The following SLC35A5 variants were observed in gnomAD, a reference collection of about 807,000 sequenced individuals.
SLC35A5 encodes the protein UDP-sugar transporter protein SLC35A5.
In SLC35A5, 28 loss-of-function variants were observed where a neutral mutation model predicts 36.3. That is an observed-to-expected ratio of 0.77 (90% CI 0.57 to 1.06). SLC35A5 has a LOEUF of 1.06. Among genes scored for constraint, SLC35A5 ranks in the 50% least tolerant of loss-of-function variants. SLC35A5 has a pLI of 0.00. For synonymous variants in SLC35A5, 180 were observed against 173.7 expected, an observed-to-expected ratio of 1.04 and a Z score of -0.29; for missense variants, 521 against 499.3, an observed-to-expected ratio of 1.04 and a Z score of -0.41.
intron 4 of SLC35A5, among the ~76,000 whole-genome samples, chr3:112,572,936 A>G (rs1934510944): frequency 6.6e-6 from 1 of 152,194 alleles, no homozygotes; most frequent in South Asian, 2.1e-4. Context: ...AGGGGTTCAC[A>G]GGCATTTGCC....
In SLC35A5 at chr3:112,580,881, A is replaced by G; in HGVS notation, c.764A>G (p.Lys255Arg). 1.9e-6 allele frequency: 3 copies of G among 1,614,186 alleles called. No individual in the cohort carries two copies. The highest frequency in any genetic ancestry group is 2.5e-6 in the Non-Finnish European group (3 of 1,179,998). The change falls in exon 6 of 7, where the codon AAG (lysine) becomes AGG (arginine). Residue 255 changes from lysine (K) to arginine (R), a missense_variant. By Grantham distance (26) the Lys-to-Arg change is conservative. Coordinates refer to ENST00000492406, the MANE Select transcript of SLC35A5 (RefSeq NM_017945.5). ...AATATCTATAATGAAAAGATACTGA[A>G]GGAAGGGAACCAGCTCACTGAAAGC... ...MANIYNEKIL[K>R]EGNQLTESIF... is the part of the protein sequence containing the mutation.
intron 5 of SLC35A5, 120 bp downstream of exon 5, chr3:112,574,076 A>C: frequency 1.2e-6 from 1 of 817,688 alleles, no homozygotes; most frequent in Non-Finnish European, 2.0e-6. Flanking sequence ...TTCCTAATTG[A>C]CTTTGTGTAC....
chr3:112,580,924 C>G lies in SLC35A5; in HGVS notation c.807C>G (p.Ser269Arg), dbSNP rs542629264. The G allele has an allele frequency of 5.3e-5, 86 of 1,614,138 alleles. No homozygotes were observed. In the South Asian group the frequency reaches 6.6e-4, roughly 12 times the overall value. ...CTGAAAGCATCTTCATACAGAACAG[C>G]AAACTCTATTTCTTTGGCATTCTGT... is the stretch of plus-strand genomic sequence containing the variant. ...QLTESIFIQN[S>R]KLYFFGILFN... The change falls in exon 6 of 7, where the codon AGC (serine) becomes AGG (arginine). Residue 269 changes from serine (S) to arginine (R), a missense_variant. Physicochemically the swap from Ser to Arg is moderately radical, Grantham distance 110. Transcript: ENST00000492406.
In SLC35A5 at chr3:112,584,857, A is replaced by G. The variant is rs1935086047; in HGVS notation, c.*2121A>G. The G allele has an allele frequency of 6.6e-6, 1 of 152,192 alleles. No individual in the cohort carries two copies. Among genetic ancestry groups the G allele is most frequent in the Admixed American group, 6.6e-5 (1 of 15,266 alleles). 9.4% of individuals were successfully genotyped at this position (152,192 alleles called of 1,614,324 possible). ...ATACACCATGGAATACTTTGCAGCC[A>G]TAAAAAATAATGAAACCATGTGCTT... On this transcript the variant is annotated 3_prime_UTR_variant, in exon 7 of 7. Coordinates refer to ENST00000492406, the MANE Select transcript of SLC35A5 (RefSeq NM_017945.5).
intron 5 of SLC35A5, among the ~76,000 whole-genome samples, chr3:112,576,731 C>T (rs1559861832): frequency 1.3e-5 from 2 of 152,146 alleles, no homozygotes; most frequent in African/African-American, 4.8e-5. Flanking sequence ...GGATTTCCTT[C>T]CAATTTTTAA....
intron 5 of SLC35A5, 97 bp from the exon 6 acceptor site, chr3:112,580,449 T>C (rs1261566874): frequency 7.3e-7 from 1 of 1,374,860 alleles, no homozygotes; most frequent in Admixed American, 2.8e-5. Context: ...CTGGGTCCAG[T>C]TTATTCAACC....
At chr3:112,565,054 A>G (rs553370274) in intron 2 of SLC35A5, among the ~76,000 whole-genome samples, 2 of 152,160 alleles carry the variant, frequency 1.3e-5, no homozygotes, top group Non-Finnish European at 2.9e-5. Flanking sequence ...ATGGTCTACT[A>G]CTTGGAGAGT....
chr3:112,581,007 G>A lies in SLC35A5; in HGVS notation c.890G>A (p.Gly297Glu). Residue 297 changes from glycine (G) to glutamate (E), a missense_variant, in exon 6 of 7, where the codon GGA becomes GAA. Physicochemically the swap from Gly to Glu is moderately conservative, Grantham distance 98. Coordinates refer to ENST00000492406, the MANE Select transcript of SLC35A5 (RefSeq NM_017945.5). The part of the protein sequence containing the change: ...RSNRDQIKNC[G>E]FFYGHSAFSV... ...AACCGTGATCAGATTAAGAACTGTG[G>A]ATTTTTTTATGGCCACAGTGCATTT... 3 of 1,614,068 alleles carry A rather than the reference G, an allele frequency of 1.9e-6. No individual in the cohort carries two copies. The highest frequency in any genetic ancestry group is 2.5e-6 in the Non-Finnish European group (3 of 1,179,960).
chr3:112,564,280 A>T (rs1934088223), intron 2 of SLC35A5: 1 of 152,132 alleles, frequency 6.6e-6, no homozygotes, highest in Admixed American at 6.5e-5. Flanking sequence ...TTTCTCGGAG[A>T]GTGGGATGTG....
At chr3:112,563,789 T>G (rs1167551441) in intron 2 of SLC35A5, among the ~76,000 whole-genome samples, 1 of 152,260 alleles carries the variant, frequency 6.6e-6, no homozygotes, top group African/African-American at 2.4e-5. Context: ...ATTTGACTGT[T>G]AATTCAATCA....
intron 2 of SLC35A5, among the ~76,000 whole-genome samples, chr3:112,567,204 C>T (rs1934235851): frequency 6.6e-6 from 1 of 150,930 alleles, no homozygotes; most frequent in African/African-American, 2.4e-5. Flanking sequence ...CCAGCCTGGG[C>T]AACAGAGCAA....
intron 5 of SLC35A5, among the ~76,000 whole-genome samples, chr3:112,576,723 A>T (rs1934694741): frequency 6.6e-6 from 1 of 152,152 alleles, no homozygotes. Context: ...ATGTGACAGG[A>T]TTTCCTTCCA....
chr3:112,579,450 A>G (rs1934803272), intron 5 of SLC35A5, among the ~76,000 whole-genome samples: 2 of 151,894 alleles, frequency 1.3e-5, no homozygotes, highest in Non-Finnish European at 1.5e-5. Flanking sequence ...CTGATCTTCA[A>G]ACATCAAGAT....
intron 5 of SLC35A5, 38 bp downstream of exon 5, chr3:112,573,994 A>C: frequency 6.5e-7 from 1 of 1,530,400 alleles, no homozygotes; most frequent in Non-Finnish European, 9.0e-7. Context: ...TCATACTTTA[A>C]AATAACATAG....
chr3:112,564,807 C>T lies in SLC35A5; in HGVS notation c.130+1274C>T, dbSNP rs566027100. 2.6e-5 allele frequency among the ~76,000 whole-genome samples: 4 copies of T among 152,318 alleles called. No individual in the cohort carries two copies. In the East Asian group the frequency reaches 5.8e-4, roughly 22 times the overall value. ...ATTAGGGAGTGGTGATGACTCTTAA[C>T]GAGCATGCTGCCTTCAAGCATTTGT... On this transcript the variant is annotated intron_variant, in intron 2 of 6. Coordinates refer to ENST00000492406, the MANE Select transcript of SLC35A5 (RefSeq NM_017945.5).
intron 6 of SLC35A5, among the ~76,000 whole-genome samples, chr3:112,581,903 C>A (rs1236516132): frequency 1.3e-5 from 2 of 152,046 alleles, no homozygotes; most frequent in African/African-American, 2.4e-5. Context: ...CCTTGCAAGG[C>A]GAGTAGGAGG....
chr3:112,575,159 A>G (rs1004774278), intron 5 of SLC35A5, among the ~76,000 whole-genome samples: 4 of 152,180 alleles, frequency 2.6e-5, no homozygotes, highest in Admixed American at 6.5e-5. Flanking sequence ...TGAAGATAAA[A>G]TGGTTCCAAG....
chr3:112,570,346 G>C (rs1444578902), intron 3 of SLC35A5, 194 bp from the exon 4 acceptor site: 3 of 444,602 alleles, frequency 6.7e-6, no homozygotes, highest in Admixed American at 8.6e-5. Context: ...ACAGGAATTA[G>C]GATAACCAGT....
rs181925036 is a variant in SLC35A5, at chr3:112,570,325, A to G, written c.230-215A>G. ...AGTTGCCTTAAGTAATACTTCTGTT[A>G]TCTCAAATTAACAGGAATTAGGATA... On this transcript the variant is annotated intron_variant, in intron 3 of 6. Transcript: ENST00000492406. 1.4e-4 allele frequency: 53 copies of G among 369,356 alleles called. 1 individual carries two copies. Among genetic ancestry groups the G allele is most frequent in the African/African-American group, 1.1e-3 (51 of 47,490 alleles). 22.9% of individuals were successfully genotyped at this position (369,356 alleles called of 1,614,324 possible).
Sources: allele counts gnomAD v4.1 joint callset (sites outside exome capture counted in the v4.1 genomes callset), GRCh38; gene constraint gnomAD v4.1.1; transcripts MANE v1.5; gene names NCBI Gene and HGNC (gene_info 2026-07-23, HGNC 2026-07-21).